STK24: variants seen among roughly 807,000 people sequenced by gnomAD.
The protein encoded by STK24 is serine/threonine kinase 24.
Under a neutral mutation model 55.6 loss-of-function variants are expected in STK24, and 21 were observed. The ratio of observed to expected loss-of-function variants is 0.38; its 90% CI spans 0.27 to 0.54. The LOEUF (loss-of-function observed/expected upper bound fraction) is 0.54, where lower values mean the gene tolerates loss of function less well. Among genes scored for constraint, STK24 ranks in the 20% least tolerant of loss-of-function variants. STK24 has a pLI of 0.79. For missense variants in STK24, 383 were observed against 538.4 expected, an observed-to-expected ratio of 0.71 and a Z score of 2.86; for synonymous variants, 200 against 215.2, an observed-to-expected ratio of 0.93 and a Z score of 0.62.
chr13:98,491,565 AT>A (rs1295422578), intron 2 of STK24, among the ~76,000 whole-genome samples: 1 of 152,224 alleles, frequency 6.6e-6, no homozygotes, highest in Admixed American at 6.5e-5. Context: ...AAAGAAAAAA[AT>A]CTAAACCATC....
At chr13:98,557,401 CGT>C (rs1164730289) in intron 1 of STK24, among the ~76,000 whole-genome samples, 1 of 152,204 alleles carries the variant, frequency 6.6e-6, no homozygotes, top group Non-Finnish European at 1.5e-5. Flanking sequence ...GACTTGGGTG[CGT>C]GGGTGCGTTC....
chr13:98,445,837 C>T lies in STK24; in HGVS notation c.*7336G>A. ...CCAAATAAGCCTGTGTTCTAAGGTA[C>T]TGGTAGTCAGGACCTCAACGTGTCT... On this transcript the variant is annotated 3_prime_UTR_variant, in exon 11 of 11. Coordinates refer to ENST00000539966, the MANE Select transcript of STK24 (RefSeq NM_001032296.4). 1 of 402,688 alleles carries T rather than the reference C, an allele frequency of 2.5e-6. No individual in the cohort carries two copies. The highest frequency in any genetic ancestry group is 2.8e-5 in the South Asian group (1 of 35,902). 24.9% of individuals were successfully genotyped at this position (402,688 alleles called of 1,614,324 possible). A position where few individuals can be genotyped will look rare whatever the true frequency, so the allele number is the denominator to read the frequency against.
Position 98,448,451 on chromosome 13 carries a change from C to G in STK24, c.*4722G>C. ...TGGCTTCCCAGCAGCTCTCCTGTCTCCACAGCCGCGTTTTTTAACCCCGAC... is the reference window on the plus strand; with the variant it reads ...TGGCTTCCCAGCAGCTCTCCTGTCTGCACAGCCGCGTTTTTTAACCCCGAC... On this transcript the variant is annotated 3_prime_UTR_variant, in exon 11 of 11. Coordinates refer to ENST00000539966, the MANE Select transcript of STK24 (RefSeq NM_001032296.4). The G allele has an allele frequency of 1.4e-6, 1 of 724,900 alleles. No homozygotes were observed. The highest frequency in any genetic ancestry group is 2.4e-6 in the Non-Finnish European group (1 of 421,124). The allele number at this position is 724,900 out of a possible 1,614,324, so 44.9% of individuals were successfully genotyped here. A position where few individuals can be genotyped will look rare whatever the true frequency, so the allele number is the denominator to read the frequency against.
chr13:98,471,258 C>A (rs928746053), intron 5 of STK24, among the ~76,000 whole-genome samples: 1 of 152,232 alleles, frequency 6.6e-6, no homozygotes, highest in Non-Finnish European at 1.5e-5. Flanking sequence ...TCCCACCACG[C>A]TTTCACTCAT....
rs1893923815 is a variant in STK24, at chr13:98,466,293, G to T, written c.783+83C>A. 8 of 1,378,340 alleles carry T rather than the reference G, an allele frequency of 5.8e-6. No homozygotes were observed. The East Asian group carries it at 9.5e-5, about 16-fold the overall frequency. 85.4% of individuals were successfully genotyped at this position (1,378,340 alleles called of 1,614,324 possible). On this transcript the variant is annotated intron_variant, in intron 6 of 10. Transcript: ENST00000539966. Reference sequence around the variant, plus strand: ...TACCAGGAAGACAGCTGAAAAGAGTGATTAAAGCAATCCCAACAGGATGTA... The same window carrying T: ...TACCAGGAAGACAGCTGAAAAGAGTTATTAAAGCAATCCCAACAGGATGTA...
chr13:98,464,813 G>A (rs955184641), intron 6 of STK24, among the ~76,000 whole-genome samples: 1 of 152,090 alleles, frequency 6.6e-6, no homozygotes, highest in African/African-American at 2.4e-5. Context: ...TTAACTTTCT[G>A]TATTAACGTT....
At chr13:98,507,888 A>T (rs1254796727) in intron 2 of STK24, among the ~76,000 whole-genome samples, 1 of 152,140 alleles carries the variant, frequency 6.6e-6, no homozygotes, top group Non-Finnish European at 1.5e-5. Context: ...CCCATTGCAG[A>T]TCTCTTCCCC....
intron 1 of STK24, among the ~76,000 whole-genome samples, chr13:98,521,169 C>T (rs1042509912): frequency 2.0e-5 from 3 of 152,188 alleles, no homozygotes; most frequent in African/African-American, 7.2e-5. Context: ...GCTCCTAAAA[C>T]GCTACACAAA....
At chr13:98,472,413 T>C (rs41331949) in intron 5 of STK24, among the ~76,000 whole-genome samples, 6,867 of 152,242 alleles carry the variant, frequency 0.045, 512 homozygotes, top group African/African-American at 0.15. Context: ...ACAGGACAGC[T>C]CTCGAATAAA....
chr13:98,517,213 C>T (rs1239205697), intron 2 of STK24, among the ~76,000 whole-genome samples: 7 of 152,184 alleles, frequency 4.6e-5, no homozygotes, highest in Admixed American at 2.6e-4. Flanking sequence ...GCAAACCACA[C>T]GAAATCCAAC....
chr13:98,516,271 T>C (rs1483824185), intron 2 of STK24, among the ~76,000 whole-genome samples: 1 of 152,210 alleles, frequency 6.6e-6, no homozygotes, highest in Non-Finnish European at 1.5e-5. Flanking sequence ...GGGCCAACTT[T>C]CCACAATGGC....
At chr13:98,485,861 C>T (rs1301184934) in intron 2 of STK24, among the ~76,000 whole-genome samples, 2 of 152,232 alleles carry the variant, frequency 1.3e-5, no homozygotes, top group African/African-American at 4.8e-5. Context: ...GCTGCACCAC[C>T]GCCTGGCACT....
intron 1 of STK24, among the ~76,000 whole-genome samples, chr13:98,557,919 C>T (rs1360866890): frequency 6.6e-6 from 1 of 152,198 alleles, no homozygotes; most frequent in Non-Finnish European, 1.5e-5. Flanking sequence ...TGTCTGGATG[C>T]CCTCTGCCTT....
chr13:98,544,524 C>G (rs979160832), intron 1 of STK24, among the ~76,000 whole-genome samples: 1 of 152,218 alleles, frequency 6.6e-6, no homozygotes, highest in African/African-American at 2.4e-5. Flanking sequence ...GCACAGCCAG[C>G]CGGCAGAAGG....
chr13:98,527,958 T>C (rs569664529), intron 1 of STK24, among the ~76,000 whole-genome samples: 8 of 152,148 alleles, frequency 5.3e-5, no homozygotes, highest in Non-Finnish European at 1.2e-4. Flanking sequence ...TGGGCCTGAC[T>C]CAACGGCAGA....
chr13:98,456,271 G>C, intron 10 of STK24: 1 of 348,478 alleles, frequency 2.9e-6, no homozygotes, highest in South Asian at 2.1e-5. Context: ...CCTCACGTGT[G>C]CAAAACTTCT....
intron 5 of STK24, among the ~76,000 whole-genome samples, chr13:98,469,514 T>G (rs1271934899): frequency 4.7e-5 from 7 of 147,960 alleles, no homozygotes; most frequent in African/African-American, 1.8e-4. Flanking sequence ...TAAGTCTGGG[T>G]GACAGAGCAA....
At chr13:98,457,554 C>T (rs1349011206) in intron 9 of STK24, among the ~76,000 whole-genome samples, 6 of 151,472 alleles carry the variant, frequency 4.0e-5, no homozygotes, top group Non-Finnish European at 8.8e-5. Context: ...ACTGCAACCT[C>T]CGCCTCCTGG....
chr13:98,456,712 A>G (rs1004428278), intron 10 of STK24: 4 of 370,436 alleles, frequency 1.1e-5, no homozygotes, highest in African/African-American at 2.1e-5. Flanking sequence ...GCTTCCAGAC[A>G]TGACACACAC....
Sources: gnomAD v4.1 joint callset for allele counts (sites outside exome capture counted in the v4.1 genomes callset) on GRCh38, gnomAD v4.1.1 for gene constraint, MANE v1.5 for transcripts, NCBI Gene and HGNC (gene_info 2026-07-23, HGNC 2026-07-21) for gene names.